The following NCOA7 variants were observed in gnomAD, a reference collection of about 807,000 sequenced individuals.
NCOA7 encodes the protein nuclear receptor coactivator 7, also known as 140 kDa estrogen receptor-associated protein.
Under a neutral mutation model 104.3 loss-of-function variants are expected in NCOA7, and 45 were observed. The observed-to-expected ratio is 0.43, with a 90% CI of 0.34 to 0.55. The LOEUF (loss-of-function observed/expected upper bound fraction) is 0.55, where lower values mean the gene tolerates loss of function less well. Among genes scored for constraint, NCOA7 ranks in the 20% least tolerant of loss-of-function variants. The pLI is 0.02. For synonymous variants in NCOA7, 398 were observed against 402.3 expected, an observed-to-expected ratio of 0.99 and a Z score of 0.13; for missense variants, 1,041 against 1,119.7, an observed-to-expected ratio of 0.93 and a Z score of 1.00.
In NCOA7 at chr6:125,889,573, G is replaced by A. The variant is rs775298815; in HGVS notation, c.1519G>A (p.Val507Ile). The change falls in exon 9 of 16, where the codon GTA becomes ATA. Residue 507 changes from valine (V) to isoleucine (I), a missense_variant. Around this residue, in one of 2 missense-constraint regions of NCOA7, gnomAD observed 914 missense variants for 942.7 expected, o/e 0.97. Coordinates refer to ENST00000392477, the MANE Select transcript of NCOA7 (RefSeq NM_181782.5). ...DKQSGSPESR[V>I]ENTLNIHEDL... ...GCAGTCTGGTTCGCCAGAAAGCCGA[G>A]TAGAAAACACACTGAACATACATGA... is the stretch of plus-strand genomic sequence containing the variant. 6 of 1,613,980 alleles carry A rather than the reference G, an allele frequency of 3.7e-6. No individual in the cohort carries two copies. The East Asian group carries it at 6.7e-5, about 18-fold the overall frequency.
At chr6:125,802,751 G>C (rs953894868) in intron 1 of NCOA7, among the ~76,000 whole-genome samples, 1 of 152,124 alleles carries the variant, frequency 6.6e-6, no homozygotes, top group African/African-American at 2.4e-5. Flanking sequence ...CAAGTTTTAT[G>C]ACAAGCAACT....
chr6:125,858,215 T>G (rs1396200000), intron 3 of NCOA7, among the ~76,000 whole-genome samples: 3 of 152,110 alleles, frequency 2.0e-5, no homozygotes, highest in Non-Finnish European at 2.9e-5. Context: ...AAGTGTGCAT[T>G]GAAAGGAATA....
chr6:125,848,583 A>G (rs1780834347), intron 2 of NCOA7, among the ~76,000 whole-genome samples: 1 of 152,128 alleles, frequency 6.6e-6, no homozygotes, highest in African/African-American at 2.4e-5. Flanking sequence ...TCTCACTCAT[A>G]GGTGGGAATT....
At chr6:125,871,422 A>G (rs149841953) in intron 3 of NCOA7, among the ~76,000 whole-genome samples, 80 of 152,346 alleles carry the variant, frequency 5.3e-4, no homozygotes, top group African/African-American at 1.9e-3. Flanking sequence ...ACAGGACTTC[A>G]CTCATTGAGA....
intron 10 of NCOA7, among the ~76,000 whole-genome samples, chr6:125,894,143 T>TG: frequency 6.6e-6 from 1 of 150,784 alleles, no homozygotes; most frequent in Non-Finnish European, 1.5e-5. Flanking sequence ...ATTGACATTT[T>TG]GGACTACGTA....
At chr6:125,820,377 AAAT>A (rs1165262379) in intron 2 of NCOA7, among the ~76,000 whole-genome samples, 2 of 152,324 alleles carry the variant, frequency 1.3e-5, no homozygotes, top group Admixed American at 6.5e-5. Flanking sequence ...ATGTTGCTAA[AAAT>A]AACCAACTAA....
chr6:125,918,999 C>T (rs1474282867), intron 11 of NCOA7, among the ~76,000 whole-genome samples: 1 of 151,588 alleles, frequency 6.6e-6, no homozygotes, highest in East Asian at 1.9e-4. Context: ...GCTAGAAAAG[C>T]TAGGTTCACT....
intron 10 of NCOA7, among the ~76,000 whole-genome samples, chr6:125,903,396 C>T (rs539198347): frequency 9.2e-5 from 14 of 152,252 alleles, no homozygotes; most frequent in African/African-American, 3.4e-4. Flanking sequence ...TTGATCCTGT[C>T]TCTTCCTGGC....
chr6:125,886,157 C>T (rs1245590383), intron 8 of NCOA7, among the ~76,000 whole-genome samples: 1 of 125,272 alleles, frequency 8.0e-6, no homozygotes, highest in African/African-American at 3.5e-5. Context: ...GCCCTTGGGG[C>T]TTATATGAAA....
chr6:125,835,312 A>G (rs185173762), intron 2 of NCOA7, among the ~76,000 whole-genome samples: 7 of 152,258 alleles, frequency 4.6e-5, no homozygotes, highest in African/African-American at 1.7e-4. Context: ...ACTTACGCAA[A>G]TTCCTGTAAT....
intron 4 of NCOA7, among the ~76,000 whole-genome samples, chr6:125,878,007 G>A (rs1783518864): frequency 6.6e-6 from 1 of 152,094 alleles, no homozygotes. Context: ...CGCCTCAGTT[G>A]CACCAAAGTA....
At chr6:125,811,440 G>A (rs1409807346) in intron 1 of NCOA7, among the ~76,000 whole-genome samples, 1 of 152,212 alleles carries the variant, frequency 6.6e-6, no homozygotes, top group East Asian at 1.9e-4. Flanking sequence ...TTGTCACACA[G>A]TATATGATTA....
At chr6:125,923,725 T>A (rs1422962085) in intron 13 of NCOA7, among the ~76,000 whole-genome samples, 1 of 152,238 alleles carries the variant, frequency 6.6e-6, no homozygotes, top group Non-Finnish European at 1.5e-5. Flanking sequence ...AATTAGAGCC[T>A]GTTAGGCGCT....
intron 13 of NCOA7, among the ~76,000 whole-genome samples, chr6:125,923,162 G>A (rs144686823): frequency 8.4e-4 from 128 of 152,326 alleles, no homozygotes; most frequent in African/African-American, 2.3e-3. Flanking sequence ...AAACTGGAAA[G>A]TTGGGGTGGA....
At chr6:125,836,394 T>G (rs1193315819) in intron 2 of NCOA7, among the ~76,000 whole-genome samples, 1 of 152,204 alleles carries the variant, frequency 6.6e-6, no homozygotes, top group Non-Finnish European at 1.5e-5. Context: ...AGATTGAAGA[T>G]TCTTTGGTCT....
intron 2 of NCOA7, among the ~76,000 whole-genome samples, chr6:125,854,783 T>C (rs1262234837): frequency 2.0e-5 from 3 of 152,222 alleles, no homozygotes; most frequent in Admixed American, 1.3e-4. Context: ...TTCTCAATAA[T>C]TTTATGAGAT....
chr6:125,920,949 A>G lies in NCOA7; in HGVS notation c.2251A>G (p.Thr751Ala). ...EPTTKSWEIITVEEAKRRKST... is the reference protein window; with the variant it reads ...EPTTKSWEIIAVEEAKRRKST... ...GCTTGTTTTCTCATTTCAGATCATC[A>G]CTGTTGAAGAGGCAAAGCGCAGGAA... The change falls in exon 12 of 16, where the codon ACT becomes GCT. Residue 751 changes from threonine to alanine, a missense_variant. Thr to Ala is a moderately conservative substitution (Grantham distance 58). Around this residue, in one of 2 missense-constraint regions of NCOA7, gnomAD observed 914 missense variants for 942.7 expected, o/e 0.97. Transcript: ENST00000392477. 6.2e-7 allele frequency: 1 copy of G among 1,613,044 alleles called. No individual in the cohort carries two copies. Among genetic ancestry groups the G allele is most frequent in the Non-Finnish European group, 8.5e-7 (1 of 1,179,308 alleles).
intron 2 of NCOA7, among the ~76,000 whole-genome samples, chr6:125,820,398 C>T (rs1778064712): frequency 6.6e-6 from 1 of 152,214 alleles, no homozygotes; most frequent in South Asian, 2.1e-4. Flanking sequence ...TAACAAGATG[C>T]TTTTGAAGAA....
chr6:125,865,356 C>T (rs946912767), intron 3 of NCOA7, among the ~76,000 whole-genome samples: 3 of 138,058 alleles, frequency 2.2e-5, no homozygotes, highest in Admixed American at 2.1e-4. Context: ...CAGTATGACT[C>T]ATTTTAGTCG....
Sources: allele counts gnomAD v4.1 joint callset (sites outside exome capture counted in the v4.1 genomes callset), GRCh38; gene constraint gnomAD v4.1.1; regional missense constraint gnomAD v4.1.1; transcripts MANE v1.5; gene names NCBI Gene and HGNC (gene_info 2026-07-23, HGNC 2026-07-21).